LUZP2: variants seen among roughly 807,000 people sequenced by gnomAD.
The protein encoded by LUZP2 is leucine zipper protein 2.
In LUZP2, 52 loss-of-function variants were observed where a neutral mutation model predicts 51.6. The observed-to-expected ratio is 1.01, with a 90% CI of 0.81 to 1.27. The LOEUF (loss-of-function observed/expected upper bound fraction) is 1.27, where lower values mean the gene tolerates loss of function less well. LUZP2 is among the 50% of genes most tolerant of loss of function. LUZP2 has a pLI of 0.00. For missense variants in LUZP2, 436 were observed against 395.4 expected (o/e 1.10, Z -0.87); for synonymous variants, 154 against 137.3 (o/e 1.12, Z -0.85).
Position 24,866,643 on chromosome 11 carries a change from A to C in LUZP2, c.397-39348A>C, listed in dbSNP as rs549558096. On this transcript the variant is annotated intron_variant, in intron 5 of 11. Coordinates refer to ENST00000336930, the MANE Select transcript of LUZP2 (RefSeq NM_001009909.4). ...ACAGGCAGAGAGGAACAGAACACAA[A>C]AAAAACTGCTATCCCTCTTCAACAT... Among the ~76,000 whole-genome samples, 5 of 152,318 alleles carry C rather than the reference A, an allele frequency of 3.3e-5. No individual in the cohort carries two copies. The East Asian group carries it at 9.6e-4, about 29-fold the overall frequency.
chr11:24,981,971 A>G (rs1245782518), intron 8 of LUZP2, among the ~76,000 whole-genome samples: 3 of 151,956 alleles, frequency 2.0e-5, no homozygotes, highest in Non-Finnish European at 1.5e-5. Context: ...GACACTTTTC[A>G]AAAGAAGACA....
In LUZP2 at chr11:25,079,888, T is replaced by C. The variant is rs909471044; in HGVS notation, c.*1230T>C. The C allele has an allele frequency of 2.6e-5, 4 of 152,156 alleles. No individual in the cohort carries two copies. Among genetic ancestry groups the C allele is most frequent in the Non-Finnish European group, 5.9e-5 (4 of 68,004 alleles). 9.4% of individuals were successfully genotyped at this position (152,156 alleles called of 1,614,324 possible). ...CACAATATATACATTTGGATCAGTG[T>C]ATCCTAGGAGACAGTTAATAAAAAT... is the stretch of plus-strand genomic sequence containing the variant. On this transcript the variant is annotated 3_prime_UTR_variant, in exon 12 of 12. Coordinates refer to ENST00000336930, the MANE Select transcript of LUZP2 (RefSeq NM_001009909.4).
At chr11:24,825,214 G>A (rs1254576252) in intron 5 of LUZP2, among the ~76,000 whole-genome samples, 1 of 152,096 alleles carries the variant, frequency 6.6e-6, no homozygotes, top group African/African-American at 2.4e-5. Flanking sequence ...TCCATGAACT[G>A]TCTGTTAAAA....
chr11:24,685,376 C>T (rs1337025679), intron 1 of LUZP2, among the ~76,000 whole-genome samples: 1 of 152,074 alleles, frequency 6.6e-6, no homozygotes, highest in Non-Finnish European at 1.5e-5. Flanking sequence ...TGATCTTGCA[C>T]CTGCCTAATT....
chr11:24,992,191 C>G (rs1189963944), intron 9 of LUZP2, among the ~76,000 whole-genome samples: 1 of 152,054 alleles, frequency 6.6e-6, no homozygotes, highest in Non-Finnish European at 1.5e-5. Context: ...TGGCAAGTTT[C>G]CATTGCATCA....
intron 1 of LUZP2, among the ~76,000 whole-genome samples, chr11:24,687,732 C>T (rs1051649803): frequency 6.6e-6 from 1 of 152,168 alleles, no homozygotes; most frequent in Non-Finnish European, 1.5e-5. Flanking sequence ...CACTCATGCT[C>T]AGGCATAACT....
intron 5 of LUZP2, among the ~76,000 whole-genome samples, chr11:24,847,056 TTATTAA>T (rs1300734183): frequency 1.3e-5 from 2 of 151,726 alleles, no homozygotes; most frequent in Non-Finnish European, 2.9e-5. Context: ...ACATTTCTAA[TTATTAA>T]TATTATTACT....
At chr11:24,664,656 G>A (rs529763522) in intron 1 of LUZP2, among the ~76,000 whole-genome samples, 1 of 152,138 alleles carries the variant, frequency 6.6e-6, no homozygotes, top group East Asian at 1.9e-4. Flanking sequence ...ACTACTTTCA[G>A]TTCCAGCCAT....
intron 1 of LUZP2, among the ~76,000 whole-genome samples, chr11:24,539,876 A>G (rs538875210): frequency 7.9e-5 from 12 of 152,202 alleles, no homozygotes; most frequent in African/African-American, 1.9e-4. Flanking sequence ...TCTGACACAT[A>G]TTAAATGAAT....
intron 5 of LUZP2, among the ~76,000 whole-genome samples, chr11:24,902,891 G>A (rs1853322641): frequency 6.6e-6 from 1 of 151,852 alleles, no homozygotes; most frequent in African/African-American, 2.4e-5. Flanking sequence ...AAAAATAAAT[G>A]AATACAAACA....
intron 9 of LUZP2, among the ~76,000 whole-genome samples, chr11:25,025,864 T>C (rs1264234730): frequency 6.6e-6 from 1 of 152,136 alleles, no homozygotes; most frequent in East Asian, 1.9e-4. Flanking sequence ...TGTGGCACTA[T>C]TCACAATAGC....
At chr11:24,511,155 G>A (rs951563582) in intron 1 of LUZP2, among the ~76,000 whole-genome samples, 1 of 152,124 alleles carries the variant, frequency 6.6e-6, no homozygotes, top group African/African-American at 2.4e-5. Context: ...CCTTCTGACT[G>A]TTTATGTAAT....
intron 7 of LUZP2, among the ~76,000 whole-genome samples, chr11:24,956,512 T>A (rs1303769777): frequency 6.6e-6 from 1 of 152,148 alleles, no homozygotes; most frequent in Non-Finnish European, 1.5e-5. Flanking sequence ...GAGAAGGTCC[T>A]GACTTCAATT....
At chr11:25,059,625 G>T (rs1858777941) in intron 10 of LUZP2, among the ~76,000 whole-genome samples, 1 of 152,088 alleles carries the variant, frequency 6.6e-6, no homozygotes, top group Non-Finnish European at 1.5e-5. Context: ...CTGCCTTGAG[G>T]GGGAAAAAAG....
intron 5 of LUZP2, among the ~76,000 whole-genome samples, chr11:24,824,717 A>G (rs892452504): frequency 2.0e-5 from 3 of 152,180 alleles, no homozygotes; most frequent in Non-Finnish European, 2.9e-5. Context: ...ATTTTATATA[A>G]TCATCTGTTT....
At chr11:24,964,636 A>G (rs1180618669) in intron 7 of LUZP2, among the ~76,000 whole-genome samples, 2 of 152,104 alleles carry the variant, frequency 1.3e-5, no homozygotes, top group African/African-American at 2.4e-5. Context: ...ATATTATACT[A>G]TGTGGCTATT....
chr11:24,777,388 G>A (rs1848966101), intron 5 of LUZP2, among the ~76,000 whole-genome samples: 1 of 151,928 alleles, frequency 6.6e-6, no homozygotes, highest in African/African-American at 2.4e-5. Context: ...TCATGCGGGG[G>A]GATCCATTTA....
chr11:24,996,247 A>G (rs1286933956), intron 9 of LUZP2, among the ~76,000 whole-genome samples: 1 of 150,800 alleles, frequency 6.6e-6, no homozygotes. Flanking sequence ...CTTGGATTTC[A>G]TTGTTTTCTA....
intron 1 of LUZP2, among the ~76,000 whole-genome samples, chr11:24,578,770 A>G (rs1393218063): frequency 6.6e-6 from 1 of 152,104 alleles, no homozygotes; most frequent in Non-Finnish European, 1.5e-5. Context: ...ATAGACTACT[A>G]GAAGGCAGAA....
Sources: gnomAD v4.1 joint callset for allele counts (sites outside exome capture counted in the v4.1 genomes callset) on GRCh38, gnomAD v4.1.1 for gene constraint, MANE v1.5 for transcripts, NCBI Gene and HGNC (gene_info 2026-07-23, HGNC 2026-07-21) for gene names.